Variants in MFN2 observed in about 807,000 individuals in gnomAD.
MFN2 encodes mitofusin 2.
A neutral mutation model predicts 87.5 loss-of-function variants in MFN2; 43 were observed. The ratio of observed to expected loss-of-function variants is 0.49; its 90% confidence interval spans 0.38 to 0.63. The LOEUF (loss-of-function observed/expected upper bound fraction) is 0.63. Among genes scored for constraint, MFN2 ranks in the 30% least tolerant of loss-of-function variants. The pLI, the probability that MFN2 is intolerant of heterozygous loss-of-function variation, is 0.00. For missense variants in MFN2, 743 were observed against 972.8 expected (o/e 0.76, Z 3.14); for synonymous variants, 337 against 359.9 (o/e 0.94, Z 0.72).
chr1:12,004,479 T>C lies in MFN2; in HGVS notation c.1288-30T>C. The C allele has an allele frequency of 6.3e-7, 1 of 1,596,560 alleles. No homozygotes were observed. The highest frequency in any genetic ancestry group is 8.6e-7 in the Non-Finnish European group (1 of 1,163,994). On this transcript the variant is annotated intron_variant, in intron 12 of 18. Transcript: ENST00000235329. The surrounding 1 kb of genome is among the most constrained non-coding windows in gnomAD (Gnocchi z 4.2). ...AGGAGTGAACTTTGGTCTTCCTTGA[T>C]ACTTAACAGTGTGCTTCCTTTTGCT...
At position 12,003,680 on chromosome 1, in the gene MFN2, AT is replaced by A. The variant is rs1295706633; in HGVS notation, c.1161-311del. Among the ~76,000 whole-genome samples the A allele has an allele frequency of 6.6e-6, 1 of 151,802 alleles. No homozygotes were observed. The highest frequency in any genetic ancestry group is 1.5e-5 in the Non-Finnish European group (1 of 67,946). On this transcript the variant is annotated intron_variant, in intron 11 of 18. Coordinates refer to ENST00000235329, the MANE Select transcript of MFN2 (RefSeq NM_014874.4). This position sits in a 1 kb window ranked among gnomAD's most constrained non-coding sequence, Gnocchi z 4.1. ...ACTCCATCTCAAAAAAAAAAAAAAA[AT>A]CATTTCTGTGATTACTAGTGAGGTT...
At chr1:12,006,234 A>G (rs1406676428) in intron 15 of MFN2, among the ~76,000 whole-genome samples, 1 of 151,834 alleles carries the variant, frequency 6.6e-6, no homozygotes, top group African/African-American at 2.4e-5. Flanking sequence ...TTTAAAGTTC[A>G]GATTTTAAAA....
In MFN2 at chr1:11,998,881, A is replaced by G. The variant is rs760125661; in HGVS notation, c.708+3A>G. On this transcript the variant is annotated splice_donor_region_variant and intron_variant, in intron 7 of 18. Coordinates refer to ENST00000235329, the MANE Select transcript of MFN2 (RefSeq NM_014874.4). Reference sequence around the variant, plus strand: ...CAGAGTCCACCCTGATGCAGACGGTAACTCCTCCTCTGCCTTCTCCCAAGC... The same window carrying G: ...CAGAGTCCACCCTGATGCAGACGGTGACTCCTCCTCTGCCTTCTCCCAAGC... The G allele has an allele frequency of 6.2e-7, 1 of 1,613,536 alleles. No homozygotes were observed. Among genetic ancestry groups the G allele is most frequent in the African/African-American group, 1.3e-5 (1 of 74,898 alleles).
chr1:12,009,790 C>T (rs1639610959), intron 18 of MFN2, 64 bp downstream of exon 18: 1 of 1,610,984 alleles, frequency 6.2e-7, no homozygotes, highest in African/African-American at 1.3e-5. Flanking sequence ...CACTGGGGCT[C>T]AGCTGCTGGG....
intron 2 of MFN2, among the ~76,000 whole-genome samples, chr1:11,988,014 GT>G (rs1045727479): frequency 1.8e-4 from 27 of 152,088 alleles, no homozygotes; most frequent in Non-Finnish European, 3.4e-4. Context: ...GGGGTTATGG[GT>G]TTTTTTCCCC....
chr1:11,989,255 T>G lies in MFN2; in HGVS notation c.87T>G (p.Leu29=). 6.2e-7 allele frequency: 1 copy of G among 1,614,068 alleles called. No homozygotes were observed. The highest frequency in any genetic ancestry group is 8.5e-7 in the Non-Finnish European group (1 of 1,180,020). ...RHMAEVNASP[L]KHFVTAKKKI... is the part of the protein sequence containing the mutation. ...TGGCTGAGGTGAATGCATCCCCACTTAAGCACTTTGTCACTGCCAAGAAGA... is the reference window on the plus strand; with the variant it reads ...TGGCTGAGGTGAATGCATCCCCACTGAAGCACTTTGTCACTGCCAAGAAGA... The change falls in exon 3 of 19, where the codon CTT becomes CTG. Residue 29 remains leucine, a synonymous_variant. Coordinates refer to ENST00000235329, the MANE Select transcript of MFN2 (RefSeq NM_014874.4).
Position 11,996,307 on chromosome 1 carries a change from A to G in MFN2, c.463A>G (p.Arg155Gly). 1.2e-6 allele frequency: 2 copies of G among 1,614,120 alleles called. No individual in the cohort carries two copies. Among genetic ancestry groups the G allele is most frequent in the Non-Finnish European group, 1.7e-6 (2 of 1,180,020 alleles). Reference protein sequence around the residue: ...FLLTEGSEEKRSAKTVNQLAH... With the variant: ...FLLTEGSEEKGSAKTVNQLAH... ...CCTTACCGAGGGCTCAGAGGAAAAG[A>G]GGAGTGCCAAGGTGAGGGTGCCAGG... Residue 155 changes from arginine to glycine, a missense_variant, in exon 5 of 19, where the codon AGG becomes GGG. Arg to Gly is a moderately radical substitution (Grantham distance 125). Coordinates refer to ENST00000235329, the MANE Select transcript of MFN2 (RefSeq NM_014874.4).
Position 12,006,646 on chromosome 1 carries a change from T to G in MFN2, c.1825T>G (p.Ser609Ala). The change falls in exon 16 of 19, where the codon TCC (serine) becomes GCC (alanine). Residue 609 changes from serine to alanine, a missense_variant. By Grantham distance (99) the Ser-to-Ala change is moderately conservative. Around this residue, in one of 3 missense-constraint regions of MFN2, gnomAD observed 571 missense variants for 670.7 expected, o/e 0.85. Coordinates refer to ENST00000235329, the MANE Select transcript of MFN2 (RefSeq NM_014874.4). ...FMVSMVTGLASLTSRTSMGIL... is the reference protein window; with the variant it reads ...FMVSMVTGLAALTSRTSMGIL... Reference sequence around the variant, plus strand: ...GGTTTCCATGGTTACCGGCCTGGCCTCCTTGACATCCAGGACCTCCATGGG... The same window carrying G: ...GGTTTCCATGGTTACCGGCCTGGCCGCCTTGACATCCAGGACCTCCATGGG... 1 of 1,614,078 alleles carries G rather than the reference T, an allele frequency of 6.2e-7. No individual in the cohort carries two copies. The highest frequency in any genetic ancestry group is 8.5e-7 in the Non-Finnish European group (1 of 1,179,986).
intron 16 of MFN2, 99 bp downstream of exon 16, chr1:12,006,792 C>G (rs1639440345): frequency 1.3e-6 from 2 of 1,504,546 alleles, no homozygotes; most frequent in African/African-American, 2.7e-5. Flanking sequence ...GGGCCACACT[C>G]CACAGTCCAC....
Position 11,998,842 on chromosome 1 carries a change from G to C in MFN2, c.672G>C (p.Val224=). The part of the protein sequence containing the change: ...DKFCLDADVF[V]LVANSESTLM... ...TTTGTCTGGATGCTGATGTGTTTGT[G>C]CTGGTGGCCAACTCAGAGTCCACCC... The change falls in exon 7 of 19, where the codon GTG becomes GTC. Residue 224 remains valine (V), a synonymous_variant. Coordinates refer to ENST00000235329, the MANE Select transcript of MFN2 (RefSeq NM_014874.4). The C allele has an allele frequency of 6.2e-7, 1 of 1,614,184 alleles. No homozygotes were observed. The highest frequency in any genetic ancestry group is 8.5e-7 in the Non-Finnish European group (1 of 1,180,040).
intron 5 of MFN2, among the ~76,000 whole-genome samples, chr1:11,996,742 A>G (rs771002883): frequency 4.6e-5 from 7 of 152,156 alleles, no homozygotes; most frequent in African/African-American, 7.2e-5. Flanking sequence ...AATTTGCTTC[A>G]TAAAGAATCA....
Position 12,002,093 on chromosome 1 carries a change from C to T in MFN2, c.1150C>T (p.Arg384Trp), listed in dbSNP as rs777353788. 31 of 1,614,184 alleles carry T rather than the reference C, an allele frequency of 1.9e-5. No homozygotes were observed. In the African/African-American group the frequency reaches 2.1e-4, roughly 11 times the overall value. Residue 384 changes from arginine to tryptophan, a missense_variant, in exon 11 of 19, where the codon CGG (arginine) becomes TGG (tryptophan). Coordinates refer to ENST00000235329, the MANE Select transcript of MFN2 (RefSeq NM_014874.4). Reference protein sequence around the residue: ...LIMDSLHMAAREQQVYCEEMR... With the variant: ...LIMDSLHMAAWEQQVYCEEMR... ...CATGGACTCCCTGCACATGGCGGCTCGGGAGCAGCAGTAAGAGTCCAAGAC... is the reference window on the plus strand; with the variant it reads ...CATGGACTCCCTGCACATGGCGGCTTGGGAGCAGCAGTAAGAGTCCAAGAC...
rs1389603608 is a variant in MFN2 at position 12,004,561 on chromosome 1, A to G, written c.1340A>G (p.Asp447Gly). Residue 447 changes from aspartate to glycine, a missense_variant, in exon 13 of 19, where the codon GAT (aspartate) becomes GGT (glycine). Around this residue, in one of 3 missense-constraint regions of MFN2, gnomAD observed 571 missense variants for 670.7 expected, o/e 0.85. Coordinates refer to ENST00000235329, the MANE Select transcript of MFN2 (RefSeq NM_014874.4). This position sits in a 1 kb window ranked among gnomAD's most constrained non-coding sequence, Gnocchi z 4.2. Reference sequence around the variant, plus strand: ...AGGCGCCTCTCTGTACTGGTGGACGATTACCAGATGGACTTCCACCCTTCT... The same window carrying G: ...AGGCGCCTCTCTGTACTGGTGGACGGTTACCAGATGGACTTCCACCCTTCT... ...EIRRLSVLVD[D>G]YQMDFHPSPV... 1 of 1,614,104 alleles carries G rather than the reference A, an allele frequency of 6.2e-7. No individual in the cohort carries two copies.
chr1:11,997,813 T>C (rs1055323669), intron 6 of MFN2, among the ~76,000 whole-genome samples: 1 of 151,610 alleles, frequency 6.6e-6, no homozygotes, highest in African/African-American at 2.4e-5. Context: ...TATACCAACA[T>C]GTACAGTATT....
In MFN2 at chr1:12,003,750, C is replaced by T. The variant is rs1639278863; in HGVS notation, c.1161-242C>T. ...TAATTGGCAGAATTTGTTTAAACCC[C>T]CTTAAAGCGCCCTCCCTGTTTTGTG... On this transcript the variant is annotated intron_variant, in intron 11 of 18. Coordinates refer to ENST00000235329, the MANE Select transcript of MFN2 (RefSeq NM_014874.4). This position sits in a 1 kb window ranked among gnomAD's most constrained non-coding sequence, Gnocchi z 4.1. 6.6e-6 allele frequency among the ~76,000 whole-genome samples: 1 copy of T among 152,204 alleles called. No homozygotes were observed. Among genetic ancestry groups the T allele is most frequent in the Non-Finnish European group, 1.5e-5 (1 of 68,042 alleles).
chr1:12,006,307 G>A (rs1293375484), intron 15 of MFN2, among the ~76,000 whole-genome samples: 2 of 152,146 alleles, frequency 1.3e-5, no homozygotes, highest in East Asian at 1.9e-4. Flanking sequence ...TCCCACACTC[G>A]GGGAAGCTGC....
At chr1:11,992,756 AG>A in intron 4 of MFN2, 66 bp downstream of exon 4, 1 of 1,602,716 alleles carries the variant, frequency 6.2e-7, no homozygotes, top group Non-Finnish European at 8.5e-7. Flanking sequence ...ACTTTGTGCA[AG>A]GTCACAGAAC....
Position 12,013,286 on chromosome 1 carries a change from A to G in MFN2, c.*1721A>G. The stretch of plus-strand genomic sequence containing the variant: ...ATTTTGAGCTTCTTCAATACGTAAA[A>G]TTAAATTTATACCACTGAGGGAGAG... On this transcript the variant is annotated 3_prime_UTR_variant, in exon 19 of 19. Coordinates refer to ENST00000235329, the MANE Select transcript of MFN2 (RefSeq NM_014874.4). The G allele has an allele frequency of 2.3e-6, 1 of 441,932 alleles. No homozygotes were observed. Among genetic ancestry groups the G allele is most frequent in the South Asian group, 1.7e-5 (1 of 59,904 alleles). 27.4% of individuals were successfully genotyped at this position (441,932 alleles called of 1,614,324 possible). A position where few individuals can be genotyped will look rare whatever the true frequency, so the allele number is the denominator to read the frequency against.
chr1:12,004,475 T>G lies in MFN2; in HGVS notation c.1288-34T>G. 4.4e-6 allele frequency: 7 copies of G among 1,592,634 alleles called. No individual in the cohort carries two copies. The highest frequency in any genetic ancestry group is 6.0e-6 in the Non-Finnish European group (7 of 1,160,440). ...CTGCAGGAGTGAACTTTGGTCTTCC[T>G]TGATACTTAACAGTGTGCTTCCTTT... On this transcript the variant is annotated intron_variant, in intron 12 of 18. Coordinates refer to ENST00000235329, the MANE Select transcript of MFN2 (RefSeq NM_014874.4). The surrounding 1 kb of genome is among the most constrained non-coding windows in gnomAD (Gnocchi z 4.2).
Sources: gnomAD v4.1 joint callset for allele counts (sites outside exome capture counted in the v4.1 genomes callset) on GRCh38, gnomAD v4.1.1 for gene constraint, gnomAD v4.1.1 regional missense constraint, Gnocchi (gnomAD v3.1) non-coding constraint, MANE v1.5 for transcripts, NCBI Gene and HGNC (gene_info 2026-07-23, HGNC 2026-07-21) for gene names.